Variants in CDK17 observed in about 807,000 individuals in gnomAD.
The protein encoded by CDK17 is cyclin dependent kinase 17, also known as cyclin-dependent kinase 17.
Under a neutral mutation model 77.6 loss-of-function variants are expected in CDK17, and 24 were observed. The observed-to-expected ratio is 0.31, with a 90% confidence interval of 0.22 to 0.44. The LOEUF is 0.44. CDK17 is among the 20% of genes least tolerant of loss of function. The pLI is 1.00. For missense variants in CDK17, 429 were observed against 622.5 expected (o/e 0.69, Z 3.31); for synonymous variants, 203 against 210.4 (o/e 0.96, Z 0.30).
At chr12:96,393,753 C>T (rs916777555) in intron 1 of CDK17, among the ~76,000 whole-genome samples, 5 of 152,040 alleles carry the variant, frequency 3.3e-5, no homozygotes, top group Non-Finnish European at 5.9e-5. Flanking sequence ...CAAACACACA[C>T]ACACATACTC....
chr12:96,317,300 A>G (rs1952745082), intron 3 of CDK17, among the ~76,000 whole-genome samples: 2 of 135,604 alleles, frequency 1.5e-5, no homozygotes, highest in South Asian at 5.7e-4. Context: ...GGACTATGTG[A>G]AAAGACCAAA....
intron 5 of CDK17, among the ~76,000 whole-genome samples, chr12:96,307,414 C>T (rs1450291565): frequency 6.6e-6 from 1 of 152,092 alleles, no homozygotes; most frequent in African/African-American, 2.4e-5. Context: ...AAAGATAGCT[C>T]CTAAATGATA....
intron 5 of CDK17, among the ~76,000 whole-genome samples, chr12:96,305,603 G>C (rs970209018): frequency 6.6e-6 from 1 of 152,060 alleles, no homozygotes; most frequent in Non-Finnish European, 1.5e-5. Context: ...GAAAAGATGG[G>C]ATAGTAAGGG....
chr12:96,382,627 T>C (rs943126687), intron 1 of CDK17, among the ~76,000 whole-genome samples: 7 of 152,048 alleles, frequency 4.6e-5, no homozygotes, highest in African/African-American at 1.2e-4. Context: ...TACTAGCAAA[T>C]GGAATCCAGC....
At chr12:96,303,405 C>G (rs1362476434) in intron 5 of CDK17, 1 of 152,026 alleles carries the variant, frequency 6.6e-6, no homozygotes. Flanking sequence ...TTGCCAATGC[C>G]AACTATAATC....
At chr12:96,396,472 A>T (rs994667289) in intron 1 of CDK17, among the ~76,000 whole-genome samples, 15 of 152,232 alleles carry the variant, frequency 9.9e-5, no homozygotes, top group Non-Finnish European at 1.6e-4. Context: ...CAGTTTTTTT[A>T]ACTTCAAAAA....
chr12:96,283,719 T>A, intron 13 of CDK17, 74 bp from the exon 14 acceptor site: 1 of 962,694 alleles, frequency 1.0e-6, no homozygotes. Context: ...AACTATTTTC[T>A]AAGTGTTTTA....
chr12:96,340,941 A>C (rs1420918842), intron 1 of CDK17, among the ~76,000 whole-genome samples: 1 of 152,130 alleles, frequency 6.6e-6, no homozygotes, highest in African/African-American at 2.4e-5. Flanking sequence ...TCTGTCACCA[A>C]AGTAGTACGT....
chr12:96,288,071 T>C (rs1456559155), intron 11 of CDK17, among the ~76,000 whole-genome samples: 1 of 152,114 alleles, frequency 6.6e-6, no homozygotes. Flanking sequence ...GTTTTGGTTT[T>C]GCAAGATGAA....
intron 2 of CDK17, among the ~76,000 whole-genome samples, chr12:96,332,124 T>A (rs987192187): frequency 3.3e-5 from 5 of 152,186 alleles, no homozygotes; most frequent in African/African-American, 1.2e-4. Flanking sequence ...TACAACTACC[T>A]ACAGTATTCA....
intron 2 of CDK17, 56 bp from the exon 3 acceptor site, chr12:96,324,168 C>A: frequency 3.6e-6 from 5 of 1,395,346 alleles, no homozygotes; most frequent in Non-Finnish European, 4.8e-6. Flanking sequence ...TCCAGGATCA[C>A]ATGAGAAGGA....
intron 5 of CDK17, among the ~76,000 whole-genome samples, chr12:96,309,569 T>C (rs552448327): frequency 1.3e-4 from 20 of 152,178 alleles, no homozygotes; most frequent in Non-Finnish European, 2.4e-4. Context: ...TTGTAAGACA[T>C]GTAACTGACA....
Position 96,282,519 on chromosome 12 carries a change from A to C in CDK17, c.1446T>G (p.Ala482=). Residue 482 remains alanine, a synonymous_variant, in exon 15 of 17, where the codon GCT becomes GCG. Coordinates refer to ENST00000261211, the MANE Select transcript of CDK17 (RefSeq NM_002595.5). The part of the protein sequence containing the change: ...YFRSLGPRIH[A]LPESVSIFSL... The stretch of plus-strand genomic sequence containing the variant: ...TAGGATTTCTCTTACTTTCTGGTAA[A>C]GCATGTATTCTTGGTCCCAGACTTC... The C allele has an allele frequency of 2.5e-6, 4 of 1,602,320 alleles. No homozygotes were observed. Among genetic ancestry groups the C allele is most frequent in the Non-Finnish European group, 3.4e-6 (4 of 1,169,254 alleles).
At chr12:96,339,639 CAT>C (rs576311609) in intron 1 of CDK17, among the ~76,000 whole-genome samples, 1 of 151,782 alleles carries the variant, frequency 6.6e-6, no homozygotes, top group South Asian at 2.1e-4. Context: ...ATATTAATAA[CAT>C]GTTGAGGGCC....
chr12:96,387,148 G>T, intron 1 of CDK17: 1 of 257,530 alleles, frequency 3.9e-6, no homozygotes, highest in Non-Finnish European at 8.3e-6. Flanking sequence ...TTCAATTCAA[G>T]GTTACAGTTT....
intron 10 of CDK17, among the ~76,000 whole-genome samples, chr12:96,292,230 A>G (rs1426173468): frequency 6.6e-6 from 1 of 152,144 alleles, no homozygotes; most frequent in Non-Finnish European, 1.5e-5. Flanking sequence ...TCCAGAATAA[A>G]CTCACCATTT....
intron 4 of CDK17, among the ~76,000 whole-genome samples, chr12:96,312,965 A>T (rs1232744157): frequency 6.6e-6 from 1 of 152,234 alleles, no homozygotes; most frequent in Non-Finnish European, 1.5e-5. Context: ...AAATATCATT[A>T]AAATCGTATT....
intron 7 of CDK17, among the ~76,000 whole-genome samples, 198 bp downstream of exon 7, chr12:96,298,671 A>G (rs929345156): frequency 6.6e-6 from 1 of 152,186 alleles, no homozygotes; most frequent in African/African-American, 2.4e-5. Flanking sequence ...GTGATTTTTA[A>G]TGAATTCAGA....
At chr12:96,316,313 G>T (rs547421772) in intron 3 of CDK17, among the ~76,000 whole-genome samples, 4 of 151,924 alleles carry the variant, frequency 2.6e-5, no homozygotes, top group African/African-American at 7.3e-5. Context: ...CTACGCCCAC[G>T]GAGTCTTGCT....
Sources: gnomAD v4.1 joint callset for allele counts (sites outside exome capture counted in the v4.1 genomes callset) on GRCh38, gnomAD v4.1.1 for gene constraint, MANE v1.5 for transcripts, NCBI Gene and HGNC (gene_info 2026-07-23, HGNC 2026-07-21) for gene names.